Variants in RPS3 observed in about 807,000 individuals in gnomAD.
RPS3 encodes ribosomal protein S3.
RPS3 carries 2 observed loss-of-function variants against 25.8 expected under a neutral mutation model. The ratio of observed to expected loss-of-function variants is 0.08; its 90% confidence interval spans 0.03 to 0.24. The LOEUF is 0.24. Among genes scored for constraint, RPS3 ranks in the 10% least tolerant of loss-of-function variants. RPS3 has a pLI of 1.00. For missense variants in RPS3, 107 were observed against 307.1 expected (o/e 0.35, Z 4.87); for synonymous variants, 114 against 114.2 (o/e 1.00, Z 0.01).
At position 75,405,923 on chromosome 11, in the gene RPS3, A is replaced by C. The variant is rs1948281864; in HGVS notation, c.*313A>C. On this transcript the variant is annotated 3_prime_UTR_variant, in exon 7 of 7. Transcript: ENST00000531188. ...TCAGGATTGTAGGTTTAGAAGAGGG[A>C]TATGTTTGAGTTTTTCCTATGCATA... 1 of 213,008 alleles carries C rather than the reference A, an allele frequency of 4.7e-6. No homozygotes were observed. The highest frequency in any genetic ancestry group is 2.3e-5 in the African/African-American group (1 of 43,224). 13.2% of individuals were successfully genotyped at this position (213,008 alleles called of 1,614,324 possible).
Position 75,404,390 on chromosome 11 carries a change from G to A in RPS3, c.538+183G>A, listed in dbSNP as rs759983515. Reference sequence around the variant, plus strand: ...CTGAGATCTGTCAGATCCAAGAGTTGGTTTGTCCTTGTTTTAGCCATCTGT... The same window carrying A: ...CTGAGATCTGTCAGATCCAAGAGTTAGTTTGTCCTTGTTTTAGCCATCTGT... On this transcript the variant is annotated intron_variant, in intron 5 of 6. Transcript: ENST00000531188. The surrounding 1 kb of genome is among the most constrained non-coding windows in gnomAD (Gnocchi z 4.6). 25 of 800,318 alleles carry A rather than the reference G, an allele frequency of 3.1e-5. No individual in the cohort carries two copies. In the Admixed American group the frequency reaches 4.4e-4, roughly 14 times the overall value. The allele number at this position is 800,318 out of a possible 1,614,324, so 49.6% of individuals were successfully genotyped here.
At chr11:75,416,458 C>CT (rs72030839) in intron 6 of RPS3, among the ~76,000 whole-genome samples, 35,087 of 125,364 alleles carry the variant, frequency 0.28, 5,485 homozygotes, top group Non-Finnish European at 0.36. Context: ...TTGATTATTT[C>CT]TATTTTTTTT....
In RPS3 at chr11:75,404,281, G is replaced by T; in HGVS notation, c.538+74G>T. ...TTTTCCACAGACATCTTAAGTATTT[G>T]GGGGAGTTTATCATGGAAGTAGCTG... On this transcript the variant is annotated intron_variant, in intron 5 of 6. Transcript: ENST00000531188. This position sits in a 1 kb window ranked among gnomAD's most constrained non-coding sequence, Gnocchi z 4.6. 2.2e-6 allele frequency: 3 copies of T among 1,379,606 alleles called. No homozygotes were observed. The highest frequency in any genetic ancestry group is 3.1e-6 in the Non-Finnish European group (3 of 982,866). The allele number at this position is 1,379,606 out of a possible 1,614,324, so 85.5% of individuals were successfully genotyped here.
At chr11:75,413,419 G>A (rs143993250) in intron 6 of RPS3, among the ~76,000 whole-genome samples, 318 of 152,150 alleles carry the variant, frequency 2.1e-3, no homozygotes, top group African/African-American at 6.9e-3. Context: ...ACCACGCCCA[G>A]CTAATTTTTT....
chr11:75,403,631 A>G (rs2135055247), intron 4 of RPS3: 1 of 159,382 alleles, frequency 6.3e-6, no homozygotes, highest in East Asian at 1.8e-4. Context: ...GTAATTGTGG[A>G]GTGTAAATGT....
intron 1 of RPS3, among the ~76,000 whole-genome samples, chr11:75,400,163 A>G (rs560719562): frequency 1.1e-4 from 16 of 152,196 alleles, no homozygotes; most frequent in African/African-American, 3.1e-4. Context: ...TAAATCCACA[A>G]CTTCTCGAGA....
At chr11:75,412,477 C>G (rs766890732) in intron 6 of RPS3, among the ~76,000 whole-genome samples, 2 of 152,162 alleles carry the variant, frequency 1.3e-5, no homozygotes, top group Non-Finnish European at 2.9e-5. Context: ...CTATCATTAC[C>G]TCTCTCTGTT....
chr11:75,403,750 T>A (rs1238724280), intron 4 of RPS3: 1 of 331,944 alleles, frequency 3.0e-6, no homozygotes, highest in East Asian at 5.5e-5. Flanking sequence ...GATGTCAGGG[T>A]TTCTTTTGTT....
chr11:75,417,235 C>T (rs1416753250), intron 6 of RPS3, among the ~76,000 whole-genome samples: 1 of 151,976 alleles, frequency 6.6e-6, no homozygotes, highest in Non-Finnish European at 1.5e-5. Flanking sequence ...TTTGGGAGGC[C>T]GAAATGGGAG....
chr11:75,417,968 G>A (rs1048789802), intron 6 of RPS3, among the ~76,000 whole-genome samples: 5 of 152,206 alleles, frequency 3.3e-5, no homozygotes, highest in South Asian at 2.1e-4. Context: ...GCCTCGGCCC[G>A]GATCAAGATC....
chr11:75,417,636 A>G (rs1948410589), intron 6 of RPS3, among the ~76,000 whole-genome samples: 1 of 152,206 alleles, frequency 6.6e-6, no homozygotes, highest in Admixed American at 6.5e-5. Flanking sequence ...GCGTGGCGGC[A>G]CATGCCTGTA....
At chr11:75,412,193 C>G (rs1245766542) in intron 6 of RPS3, among the ~76,000 whole-genome samples, 1 of 152,188 alleles carries the variant, frequency 6.6e-6, no homozygotes, top group Non-Finnish European at 1.5e-5. Flanking sequence ...TTGAAACTTG[C>G]CTTTGTGAAG....
chr11:75,400,251 C>T, intron 1 of RPS3: 4 of 419,498 alleles, frequency 9.5e-6, no homozygotes, highest in South Asian at 7.3e-5. Context: ...CAGGTTGTGT[C>T]TACAAGTGAG....
downstream of RPS3, among the ~76,000 whole-genome samples, chr11:75,407,657 A>G (rs1565166011): frequency 6.6e-6 from 1 of 151,574 alleles, no homozygotes; most frequent in Admixed American, 6.6e-5. Context: ...TTTTTAGTAG[A>G]GACGGGGTTT....
chr11:75,407,138 C>T (rs1948297370), downstream of RPS3, among the ~76,000 whole-genome samples: 1 of 152,144 alleles, frequency 6.6e-6, no homozygotes. Context: ...ATATGGATTC[C>T]TGTCTTTTTT....
At chr11:75,410,827 A>C (rs1948350607), downstream of RPS3, among the ~76,000 whole-genome samples, 1 of 152,226 alleles carries the variant, frequency 6.6e-6, no homozygotes, top group Admixed American at 6.5e-5. Context: ...CCACCAAAAA[A>C]AAACGAAAAC....
At chr11:75,415,348 A>T (rs991611388) in intron 6 of RPS3, among the ~76,000 whole-genome samples, 1 of 152,164 alleles carries the variant, frequency 6.6e-6, no homozygotes, top group African/African-American at 2.4e-5. Context: ...TCTAGTGTTT[A>T]TCATCTATTC....
chr11:75,401,548 G>A (rs1948210258), intron 2 of RPS3, 92 bp from the exon 3 acceptor site: 1 of 883,152 alleles, frequency 1.1e-6, no homozygotes, highest in Admixed American at 2.3e-5. Context: ...TATATGCTTT[G>A]TGGCAGAGAT....
Position 75,399,571 on chromosome 11 carries a change from G to A in RPS3, c.24G>A (p.Lys8=). MAVQISK[K]RKFVADGIFK... ...AGATGGCAGTGCAAATATCCAAGAA[G>A]AGGAAGGTGAGCCTCTGGGGACTGG... is the stretch of plus-strand genomic sequence containing the variant. Residue 8 remains lysine (K), a synonymous_variant, in exon 1 of 7, where the codon AAG becomes AAA. Transcript: ENST00000531188. The A allele has an allele frequency of 6.2e-7, 1 of 1,613,910 alleles. No homozygotes were observed. The highest frequency in any genetic ancestry group is 8.5e-7 in the Non-Finnish European group (1 of 1,179,858).
Sources: gnomAD v4.1 joint callset for allele counts (sites outside exome capture counted in the v4.1 genomes callset) on GRCh38, gnomAD v4.1.1 for gene constraint, Gnocchi (gnomAD v3.1) non-coding constraint, MANE v1.5 for transcripts, NCBI Gene and HGNC (gene_info 2026-07-23, HGNC 2026-07-21) for gene names.